Variants in RPS6KC1 observed in about 807,000 individuals in gnomAD.
RPS6KC1 encodes the protein ribosomal protein S6 kinase C1.
Under a neutral mutation model 103.8 loss-of-function variants are expected in RPS6KC1, and 54 were observed. The ratio of observed to expected loss-of-function variants is 0.52; its 90% CI spans 0.42 to 0.65. The LOEUF is 0.65. Among genes scored for constraint, RPS6KC1 ranks in the 30% least tolerant of loss-of-function variants. The pLI is 0.00. For synonymous variants in RPS6KC1, 439 were observed against 438.7 expected, an observed-to-expected ratio of 1.00 and a Z score of -0.01; for missense variants, 1,151 against 1,253.8, an observed-to-expected ratio of 0.92 and a Z score of 1.24.
At chr1:213,719,396 G>C in the RPS6KC1 span, among the ~76,000 whole-genome samples, 1 of 152,164 alleles carries the variant, frequency 6.6e-6, no homozygotes, top group African/African-American at 2.4e-5. Context: ...CCGCCATTTA[G>C]AACAGTGACT....
At chr1:213,859,179 A>G in the RPS6KC1 span, among the ~76,000 whole-genome samples, 2 of 152,222 alleles carry the variant, frequency 1.3e-5, no homozygotes, top group Non-Finnish European at 2.9e-5. Flanking sequence ...TTAAAGTTGT[A>G]AGAAAGAGAG....
At chr1:213,375,034 CAT>C in the RPS6KC1 span, among the ~76,000 whole-genome samples, 2 of 151,826 alleles carry the variant, frequency 1.3e-5, no homozygotes, top group African/African-American at 4.8e-5. Flanking sequence ...CATACACACA[CAT>C]ACACATACAT....
At chr1:213,429,237 G>A in the RPS6KC1 span, among the ~76,000 whole-genome samples, 13 of 152,072 alleles carry the variant, frequency 8.5e-5, no homozygotes. Flanking sequence ...TGCAACCTCT[G>A]CCTCCTGGGC....
At chr1:213,512,896 C>T in the RPS6KC1 span, among the ~76,000 whole-genome samples, 1 of 152,158 alleles carries the variant, frequency 6.6e-6, no homozygotes, top group Non-Finnish European at 1.5e-5. Flanking sequence ...GAGGGGTGGC[C>T]TCTGTGTCAA....
At chr1:213,428,522 T>TCCTTCCTTCCTC in the RPS6KC1 span, among the ~76,000 whole-genome samples, 4 of 45,844 alleles carry the variant, frequency 8.7e-5, no homozygotes, top group Non-Finnish European at 1.2e-4. Context: ...TCCTTCCTCT[T>TCCTTCCTTCCTC]TCTCTCTCTC....
the RPS6KC1 span, among the ~76,000 whole-genome samples, chr1:213,465,556 T>G: frequency 6.6e-6 from 1 of 152,170 alleles, no homozygotes; most frequent in African/African-American, 2.4e-5. Flanking sequence ...TCACTCTAGG[T>G]GTGTCTCTCA....
At chr1:213,567,654 A>G in the RPS6KC1 span, among the ~76,000 whole-genome samples, 2 of 152,242 alleles carry the variant, frequency 1.3e-5, no homozygotes, top group Non-Finnish European at 2.9e-5. Context: ...AAGTTGTGTT[A>G]GGCATTTCAC....
chr1:213,634,219 T>A, the RPS6KC1 span, among the ~76,000 whole-genome samples: 3 of 152,042 alleles, frequency 2.0e-5, no homozygotes, highest in Admixed American at 6.6e-5. Flanking sequence ...CAGCTCTGCA[T>A]CACATGGACC....
At chr1:213,147,267 C>T (rs1297372214) in intron 6 of RPS6KC1, among the ~76,000 whole-genome samples, 2 of 152,118 alleles carry the variant, frequency 1.3e-5, no homozygotes, top group African/African-American at 4.8e-5. Context: ...AAAATCTTTT[C>T]CCAAACCAAT....
chr1:213,849,509 A>G, the RPS6KC1 span, among the ~76,000 whole-genome samples: 2 of 152,206 alleles, frequency 1.3e-5, no homozygotes, highest in Non-Finnish European at 2.9e-5. Flanking sequence ...ATGAATGTAC[A>G]AATGTATAGT....
At chr1:213,597,498 A>T in the RPS6KC1 span, among the ~76,000 whole-genome samples, 3 of 152,216 alleles carry the variant, frequency 2.0e-5, no homozygotes, top group African/African-American at 7.2e-5. Flanking sequence ...CCTGGGAAGA[A>T]CATCCTAGAA....
At chr1:213,384,520 G>T in the RPS6KC1 span, among the ~76,000 whole-genome samples, 2 of 152,040 alleles carry the variant, frequency 1.3e-5, no homozygotes, top group African/African-American at 4.8e-5. Context: ...TTGCATGATG[G>T]TTAGGAGGTC....
the RPS6KC1 span, among the ~76,000 whole-genome samples, chr1:213,660,233 G>C: frequency 6.6e-6 from 1 of 152,356 alleles, no homozygotes; most frequent in South Asian, 2.1e-4. Flanking sequence ...GAGTGACAGG[G>C]AGGAGGAACG....
At chr1:213,737,202 C>G in the RPS6KC1 span, among the ~76,000 whole-genome samples, 1 of 152,202 alleles carries the variant, frequency 6.6e-6, no homozygotes, top group Non-Finnish European at 1.5e-5. Context: ...GTAAGTCAGA[C>G]CTCTTCTACA....
the RPS6KC1 span, among the ~76,000 whole-genome samples, chr1:213,626,388 T>G: frequency 6.6e-6 from 1 of 152,152 alleles, no homozygotes; most frequent in South Asian, 2.1e-4. Flanking sequence ...CCTGTTCACT[T>G]TGATGGTAGT....
the RPS6KC1 span, among the ~76,000 whole-genome samples, chr1:213,425,888 G>A: frequency 6.6e-6 from 1 of 152,154 alleles, no homozygotes; most frequent in Non-Finnish European, 1.5e-5. Context: ...GGTGACCAGC[G>A]GGAAGGTGGG....
In RPS6KC1 at chr1:213,089,684, A is replaced by T. The variant is rs2080786691; in HGVS notation, c.262+11868A>T. ...ACCATGTTGGCCAGGCTGGTCTCGA[A>T]CTCCTGACCTCAGGTGATCCACCTG... On this transcript the variant is annotated intron_variant, in intron 3 of 14. Transcript: ENST00000366960. Among the ~76,000 whole-genome samples, 2 of 151,494 alleles carry T rather than the reference A, an allele frequency of 1.3e-5. 1 individual carries two copies. Among genetic ancestry groups the T allele is most frequent in the South Asian group, 4.2e-4 (2 of 4,802 alleles).
chr1:213,739,755 A>G, the RPS6KC1 span, among the ~76,000 whole-genome samples: 30 of 152,348 alleles, frequency 2.0e-4, no homozygotes, highest in South Asian at 2.7e-3. Context: ...AATATTTCTC[A>G]CCTAGATTTC....
At chr1:213,634,637 A>G in the RPS6KC1 span, among the ~76,000 whole-genome samples, 1 of 152,336 alleles carries the variant, frequency 6.6e-6, no homozygotes, top group African/African-American at 2.4e-5. Context: ...GGAAAGATCT[A>G]AAATCAACAC....
Sources: gnomAD v4.1 joint callset for allele counts (sites outside exome capture counted in the v4.1 genomes callset) on GRCh38, gnomAD v4.1.1 for gene constraint, MANE v1.5 for transcripts, NCBI Gene and HGNC (gene_info 2026-07-23, HGNC 2026-07-21) for gene names.